TSBP1: variants seen among roughly 807,000 people sequenced by gnomAD.
The protein encoded by TSBP1 is testis expressed basic protein 1.
In TSBP1, 56 loss-of-function variants were observed where a neutral mutation model predicts 68.8. The ratio of observed to expected loss-of-function variants is 0.81; its 90% CI spans 0.66 to 1.02. The LOEUF (loss-of-function observed/expected upper bound fraction) is 1.02. Ranked by LOEUF, TSBP1 falls within the 50% of genes least tolerant of loss-of-function variation. The probability of loss-of-function intolerance (pLI) is 0.00; values close to 1 mark genes in which losing one functional copy is unlikely to be tolerated. For synonymous variants in TSBP1, 171 were observed against 208.7 expected (o/e 0.82, Z 1.56); for missense variants, 502 against 641.2 (o/e 0.78, Z 2.34).
At chr6:32,295,992 G>T (rs998443959) in intron 22 of TSBP1, among the ~76,000 whole-genome samples, 4 of 152,044 alleles carry the variant, frequency 2.6e-5, no homozygotes, top group African/African-American at 9.7e-5. Context: ...TTACAGGCAT[G>T]TGCCACCACA....
At chr6:32,332,797 A>G (rs1769200703) in intron 14 of TSBP1, among the ~76,000 whole-genome samples, 1 of 151,726 alleles carries the variant, frequency 6.6e-6, no homozygotes, top group African/African-American at 2.4e-5. Flanking sequence ...TTTTGTAGAG[A>G]TGGGGTCTTG....
rs1230674857 is a variant in TSBP1 at position 32,314,646 on chromosome 6, T to A, written c.580+1126A>T. 6.6e-6 allele frequency among the ~76,000 whole-genome samples: 1 copy of A among 152,208 alleles called. No homozygotes were observed. The highest frequency in any genetic ancestry group is 6.5e-5 in the Admixed American group (1 of 15,280). On this transcript the variant is annotated intron_variant, in intron 19 of 22. Transcript: ENST00000612031. This position sits in a 1 kb window ranked among gnomAD's most constrained non-coding sequence, Gnocchi z 4.2. ...TCTTTGTTGACAGTTCCATTTCTCTTCACTCAAATACCAATGTCTTTGTCC... is the reference window on the plus strand; with the variant it reads ...TCTTTGTTGACAGTTCCATTTCTCTACACTCAAATACCAATGTCTTTGTCC...
intron 19 of TSBP1, among the ~76,000 whole-genome samples, chr6:32,308,183 G>A (rs2127571857): frequency 6.6e-6 from 1 of 151,688 alleles, no homozygotes. Context: ...TTTTTTATAG[G>A]AAAATAGAAA....
Position 32,333,931 on chromosome 6 carries a change from A to G in TSBP1, c.472+1506T>C, listed in dbSNP as rs900386366. On this transcript the variant is annotated intron_variant, in intron 14 of 22. Transcript: ENST00000612031. This position sits in a 1 kb window ranked among gnomAD's most constrained non-coding sequence, Gnocchi z 4.2. ...TTTCCAGATCTGGATACCCTTGGCT[A>G]TGAGCAGTAAACCAGTTACACATTT... 3.6e-5 allele frequency: 8 copies of G among 222,598 alleles called. No individual in the cohort carries two copies. Among genetic ancestry groups the G allele is most frequent in the Non-Finnish European group, 7.7e-5 (8 of 104,336 alleles). The allele number at this position is 222,598 out of a possible 1,614,324, so 13.8% of individuals were successfully genotyped here. A position where few individuals can be genotyped will look rare whatever the true frequency, so the allele number is the denominator to read the frequency against.
At position 32,292,849 on chromosome 6, in the gene TSBP1, G is replaced by A; in HGVS notation, c.*132C>T. 6.3e-6 allele frequency: 4 copies of A among 635,938 alleles called. No homozygotes were observed. The East Asian group carries it at 1.1e-4, about 17-fold the overall frequency. 39.4% of individuals were successfully genotyped at this position (635,938 alleles called of 1,614,324 possible). Reference sequence around the variant, plus strand: ...AAAAGGGTGAAACTTCTGAAGAGCAGAAACTGTGATATGAAGATGAAAGGG... The same window carrying A: ...AAAAGGGTGAAACTTCTGAAGAGCAAAAACTGTGATATGAAGATGAAAGGG... On this transcript the variant is annotated 3_prime_UTR_variant, in exon 23 of 23. Coordinates refer to ENST00000612031, the Ensembl canonical transcript of TSBP1. This position sits in a 1 kb window ranked among gnomAD's most constrained non-coding sequence, Gnocchi z 4.1.
At chr6:32,320,730 G>T (rs1361446727) in intron 18 of TSBP1, among the ~76,000 whole-genome samples, 1 of 152,132 alleles carries the variant, frequency 6.6e-6, no homozygotes, top group Non-Finnish European at 1.5e-5. Flanking sequence ...GGACACATGT[G>T]CAAGGTTGTT....
chr6:32,332,189 G>A, intron 14 of TSBP1, 135 bp from the exon 16 acceptor site: 1 of 662,174 alleles, frequency 1.5e-6, no homozygotes, highest in Non-Finnish European at 2.7e-6. Flanking sequence ...GATCATTAGG[G>A]AGACTTAATC....
rs535326236 is a variant in TSBP1, at chr6:32,357,729, G to A, written c.218-2060C>T. Among the ~76,000 whole-genome samples, 1 of 152,230 alleles carries A rather than the reference G, an allele frequency of 6.6e-6. No homozygotes were observed. The highest frequency in any genetic ancestry group is 2.4e-5 in the African/African-American group (1 of 41,516). On this transcript the variant is annotated intron_variant, in intron 6 of 22. Transcript: ENST00000612031. The surrounding 1 kb of genome is among the most constrained non-coding windows in gnomAD (Gnocchi z 4.7). The stretch of plus-strand genomic sequence containing the variant: ...GATGGTGGATTGGATGAAGAGAGTA[G>A]GAAAGGAGTTAAATATCATTCCAAG...
At position 32,321,463 on chromosome 6, in the gene TSBP1, C is replaced by T. The variant is rs546857; in HGVS notation, c.559+1654G>A. 0.33 allele frequency among the ~76,000 whole-genome samples: 49,839 copies of T among 152,072 alleles called. 9,252 individuals are homozygous for T. Among genetic ancestry groups the T allele is most frequent in the Middle Eastern group, 0.46 (134 of 294 alleles). On this transcript the variant is annotated intron_variant, in intron 18 of 22. Transcript: ENST00000612031. The surrounding 1 kb of genome is among the most constrained non-coding windows in gnomAD (Gnocchi z 4.3). ...GAGACCAGTAATCCCTTCTCCTGAC[C>T]TCAGGTGGGCATTGGTCCCTGTGCC...
Position 32,365,598 on chromosome 6 carries a change from T to C in TSBP1, c.217+569A>G, listed in dbSNP as rs1209371051. 1 of 456,498 alleles carries C rather than the reference T, an allele frequency of 2.2e-6. No individual in the cohort carries two copies. Among genetic ancestry groups the C allele is most frequent in the Non-Finnish European group, 4.4e-6 (1 of 226,810 alleles). 28.3% of individuals were successfully genotyped at this position (456,498 alleles called of 1,614,324 possible). On this transcript the variant is annotated intron_variant, in intron 6 of 22. Coordinates refer to ENST00000612031, the Ensembl canonical transcript of TSBP1. This position sits in a 1 kb window ranked among gnomAD's most constrained non-coding sequence, Gnocchi z 4.3. ...GTGGAGTGAGAAATAAGTGGGCTTA[T>C]CGGACAGCATCCTGAATGGCTGGGG...
chr6:32,362,874 C>T (rs9268333), intron 6 of TSBP1, among the ~76,000 whole-genome samples: 51,144 of 152,006 alleles, frequency 0.34, 9,670 homozygotes, highest in Middle Eastern at 0.52. Flanking sequence ...CCGGTTTTCC[C>T]AATAACATTT....
At chr6:32,324,351 T>C in intron 16 of TSBP1, 1 of 490,058 alleles carries the variant, frequency 2.0e-6, no homozygotes, top group Non-Finnish European at 3.8e-6. Flanking sequence ...ATTTTTTCCC[T>C]TTTTAAGGTA....
intron 3 of TSBP1, 71 bp downstream of exon 3, chr6:32,368,711 A>C: frequency 6.8e-7 from 1 of 1,464,924 alleles, no homozygotes; most frequent in Non-Finnish European, 9.4e-7. Flanking sequence ...TAAACAAGAC[A>C]GATTTCTTTC....
At chr6:32,349,879 T>C (rs2127629642) in intron 8 of TSBP1, 119 bp from the exon 9 acceptor site, 14 of 1,048,670 alleles carry the variant, frequency 1.3e-5, no homozygotes, top group Non-Finnish European at 2.0e-5. Flanking sequence ...AGTCACAACT[T>C]ATTTCCTGGT....
chr6:32,362,392 T>C (rs1773164757), intron 6 of TSBP1, among the ~76,000 whole-genome samples: 2 of 151,956 alleles, frequency 1.3e-5, no homozygotes, highest in Non-Finnish European at 2.9e-5. Flanking sequence ...GAGTCCCCAG[T>C]AGCAAGAAGG....
rs554094359 is a variant in TSBP1 at position 32,315,046 on chromosome 6, A to C, written c.580+726T>G. 6.6e-6 allele frequency among the ~76,000 whole-genome samples: 1 copy of C among 152,290 alleles called. No individual in the cohort carries two copies. The highest frequency in any genetic ancestry group is 2.1e-4 in the South Asian group (1 of 4,824). ...GACAGGAACTTTGGGTTTTAATATTAATGTGATTTAATTTCAGGATGAGGA... is the reference window on the plus strand; with the variant it reads ...GACAGGAACTTTGGGTTTTAATATTCATGTGATTTAATTTCAGGATGAGGA... On this transcript the variant is annotated intron_variant, in intron 19 of 22. Transcript: ENST00000612031. This position sits in a 1 kb window ranked among gnomAD's most constrained non-coding sequence, Gnocchi z 5.4.
Position 32,346,284 on chromosome 6 carries a change from G to A in TSBP1, c.349+3456C>T, listed in dbSNP as rs1770987812. On this transcript the variant is annotated intron_variant, in intron 9 of 22. Transcript: ENST00000612031. ...CCCGCCTCGGCCTCCCAAAGTGCTGGGATTACAGGCGTGAGCCACCGCGCC... is the reference window on the plus strand; with the variant it reads ...CCCGCCTCGGCCTCCCAAAGTGCTGAGATTACAGGCGTGAGCCACCGCGCC... Among the ~76,000 whole-genome samples the A allele has an allele frequency of 2.1e-4, 2 of 9,508 alleles. 1 individual carries two copies. The allele number at this position is 9,508 out of a possible 152,430, so 6.2% of individuals were successfully genotyped here.
At chr6:32,368,743 AG>A (rs35272353) in intron 3 of TSBP1, 38 bp downstream of exon 3, 549,433 of 1,511,926 alleles carry the variant, frequency 0.36, 107,755 homozygotes, top group Middle Eastern at 0.53. Flanking sequence ...AAATTCTATA[AG>A]TACTATATTT....
chr6:32,310,918 ACCT>A (rs1766336218), intron 19 of TSBP1, among the ~76,000 whole-genome samples: 1 of 150,474 alleles, frequency 6.6e-6, no homozygotes, highest in South Asian at 2.1e-4. Flanking sequence ...TATCTCCTTC[ACCT>A]CCTCCATTTA....
Sources: gnomAD v4.1 joint callset for allele counts (sites outside exome capture counted in the v4.1 genomes callset) on GRCh38, gnomAD v4.1.1 for gene constraint, Gnocchi (gnomAD v3.1) non-coding constraint, MANE v1.5 for transcripts, NCBI Gene and HGNC (gene_info 2026-07-23, HGNC 2026-07-21) for gene names.